The following GLG1 variants were observed in gnomAD, a reference collection of about 807,000 sequenced individuals.
GLG1 encodes Golgi apparatus protein 1.
Under a neutral mutation model 160.5 loss-of-function variants are expected in GLG1, and 38 were observed. The observed-to-expected ratio is 0.24, with a 90% CI of 0.18 to 0.31. The LOEUF (loss-of-function observed/expected upper bound fraction) is 0.31, where lower values mean the gene tolerates loss of function less well. GLG1 is among the 10% of genes least tolerant of loss of function. The probability of loss-of-function intolerance (pLI) is 1.00; values close to 1 mark genes in which losing one functional copy is unlikely to be tolerated. For missense variants in GLG1, 1,373 were observed against 1,505.2 expected (o/e 0.91, Z 1.45); for synonymous variants, 644 against 543.4 (o/e 1.19, Z -2.57).
intron 1 of GLG1, among the ~76,000 whole-genome samples, chr16:74,568,666 C>G (rs972438453): frequency 6.6e-6 from 1 of 152,112 alleles, no homozygotes; most frequent in African/African-American, 2.4e-5. Flanking sequence ...GATCCGCCCA[C>G]CTCGGCCTCC....
At chr16:74,503,505 G>T in intron 4 of GLG1, 26 bp downstream of exon 4, 1 of 1,459,008 alleles carries the variant, frequency 6.9e-7, no homozygotes, top group Non-Finnish European at 9.6e-7. Context: ...AGACCCCTTT[G>T]TTGAAGCTAA....
At chr16:74,490,207 G>C (rs900764759) in intron 8 of GLG1, among the ~76,000 whole-genome samples, 2 of 152,100 alleles carry the variant, frequency 1.3e-5, no homozygotes, top group Non-Finnish European at 2.9e-5. Context: ...GGAATGAAAG[G>C]GATGTACTAA....
intron 1 of GLG1, among the ~76,000 whole-genome samples, chr16:74,598,669 G>A (rs1399784379): frequency 6.6e-6 from 1 of 151,958 alleles, no homozygotes; most frequent in Non-Finnish European, 1.5e-5. Context: ...GAGGTGGGTG[G>A]ATTGCCTGAG....
intron 13 of GLG1, chr16:74,472,867 G>C (rs8059869): frequency 0.68 from 192,230 of 284,676 alleles, 65,241 homozygotes; most frequent in East Asian, 0.8. Context: ...TGCCTTTAAA[G>C]AGAGAAACCC....
In GLG1 at chr16:74,458,055, T is replaced by C. The variant is rs1483709469; in HGVS notation, c.3145-61A>G. ...AAGGGGAAATGCATCAGATCTGTTG[T>C]CTGTAAATACTTCATATACTAATAA... On this transcript the variant is annotated intron_variant, in intron 23 of 25. Transcript: ENST00000422840. 6 of 1,547,058 alleles carry C rather than the reference T, an allele frequency of 3.9e-6. No homozygotes were observed. The South Asian group carries it at 6.8e-5, about 18-fold the overall frequency.
intron 11 of GLG1, among the ~76,000 whole-genome samples, chr16:74,479,980 A>C (rs779656722): frequency 6.7e-6 from 1 of 150,318 alleles, no homozygotes; most frequent in Non-Finnish European, 1.5e-5. Context: ...TTTGTGATTC[A>C]GATTTTGGGA....
At chr16:74,462,467 G>A (rs1304073674) in intron 21 of GLG1, 21 bp downstream of exon 21, 4 of 1,605,650 alleles carry the variant, frequency 2.5e-6, no homozygotes, top group Admixed American at 1.7e-5. Flanking sequence ...ACACCTTTGT[G>A]GAGAGCCCAG....
At chr16:74,525,861 G>A (rs2017316669) in intron 2 of GLG1, among the ~76,000 whole-genome samples, 1 of 151,676 alleles carries the variant, frequency 6.6e-6, no homozygotes, top group Admixed American at 6.6e-5. Flanking sequence ...TTGTGATGAA[G>A]TTCAAGTTAT....
intron 1 of GLG1, among the ~76,000 whole-genome samples, chr16:74,590,946 T>C (rs779043269): frequency 7.5e-5 from 11 of 145,974 alleles, no homozygotes; most frequent in Non-Finnish European, 1.5e-4. Flanking sequence ...GCCTTTCTTG[T>C]TAAAAAAAAA....
chr16:74,465,230 A>G (rs2014957124), intron 19 of GLG1, among the ~76,000 whole-genome samples: 1 of 152,244 alleles, frequency 6.6e-6, no homozygotes, highest in Non-Finnish European at 1.5e-5. Flanking sequence ...CTGCTGGAGG[A>G]GGGAATGAAG....
rs2014120863 is a variant in GLG1 at position 74,447,664 on chromosome 16, A to G, written c.*5503T>C. On this transcript the variant is annotated 3_prime_UTR_variant, in exon 26 of 26. Transcript: ENST00000422840. ...AAAACAAAACAAAACAAAAAAAGTG[A>G]AAAGCCTAAGATCTCACACAGCATT... 1 of 152,230 alleles carries G rather than the reference A, an allele frequency of 6.6e-6. No homozygotes were observed. 9.4% of individuals were successfully genotyped at this position (152,230 alleles called of 1,614,324 possible).
chr16:74,578,590 T>G (rs1485426477), intron 1 of GLG1, among the ~76,000 whole-genome samples: 3 of 152,340 alleles, frequency 2.0e-5, no homozygotes, highest in East Asian at 3.9e-4. Flanking sequence ...TCCTTCATTA[T>G]CAACCTGATA....
At chr16:74,545,314 G>A (rs1391357159) in intron 1 of GLG1, among the ~76,000 whole-genome samples, 1 of 152,100 alleles carries the variant, frequency 6.6e-6, no homozygotes, top group East Asian at 1.9e-4. Context: ...CCTAGTAGTT[G>A]GGACTACAGG....
At chr16:74,494,900 T>C in intron 5 of GLG1, 69 bp from the exon 6 acceptor site, 1 of 792,972 alleles carries the variant, frequency 1.3e-6, no homozygotes, top group Non-Finnish European at 2.3e-6. Flanking sequence ...ATCCACAATC[T>C]CATATAGAGC....
At chr16:74,606,362 CA>C (rs983318879) in intron 1 of GLG1, among the ~76,000 whole-genome samples, 1 of 152,176 alleles carries the variant, frequency 6.6e-6, no homozygotes, top group Non-Finnish European at 1.5e-5. Flanking sequence ...GAGCATCACA[CA>C]AAAGACAGGA....
rs558109564 is a variant in GLG1, at chr16:74,587,850, G to A, written c.438+18807C>T. On this transcript the variant is annotated intron_variant, in intron 1 of 25. Coordinates refer to ENST00000422840, the MANE Select transcript of GLG1 (RefSeq NM_001145667.2). ...CAGCCTGGCGACACAGTGAGACTCC[G>A]CTTCAAAAAAGAAAAAAACAGCTAT... is the stretch of plus-strand genomic sequence containing the variant. 9.7e-4 allele frequency among the ~76,000 whole-genome samples: 147 copies of A among 152,128 alleles called. 1 individual carries two copies. The highest frequency in any genetic ancestry group is 3.2e-3 in the African/African-American group (134 of 41,498).
intron 1 of GLG1, among the ~76,000 whole-genome samples, chr16:74,604,938 AC>A (rs757134934): frequency 6.6e-6 from 1 of 152,130 alleles, no homozygotes; most frequent in Non-Finnish European, 1.5e-5. Flanking sequence ...AGTCCCAGGT[AC>A]TCAGGTGGCT....
rs2143109205 is a variant in GLG1 at position 74,453,037 on chromosome 16, G to A, written c.*130C>T. ...GGAGGCTGGATGGGACAACGCAGTG[G>A]ACATCTGCTAATGCTCTAACACGGG... On this transcript the variant is annotated 3_prime_UTR_variant, in exon 26 of 26. Transcript: ENST00000422840. The A allele has an allele frequency of 2.7e-6, 4 of 1,481,694 alleles. No homozygotes were observed. Among genetic ancestry groups the A allele is most frequent in the South Asian group, 3.0e-5 (2 of 67,670 alleles). 91.8% of individuals were successfully genotyped at this position (1,481,694 alleles called of 1,614,324 possible).
rs1484098583 is a variant in GLG1 at position 74,491,208 on chromosome 16, T to C, written c.1242A>G (p.Gln414=). 1 of 1,612,934 alleles carries C rather than the reference T, an allele frequency of 6.2e-7. No homozygotes were observed. The highest frequency in any genetic ancestry group is 8.5e-7 in the Non-Finnish European group (1 of 1,179,042). ...TCTCCCCCTGGCACTCACTGCTGAC[T>C]TGTCGCCCTAAGTTAGGATGTAAGT... The part of the protein sequence containing the change: ...CLESAVHRGR[Q]VSSECQGEML... The change falls in exon 8 of 26, where the codon CAA becomes CAG. Residue 414 remains glutamine, a synonymous_variant. Transcript: ENST00000422840.
Sources: gnomAD v4.1 joint callset for allele counts (sites outside exome capture counted in the v4.1 genomes callset) on GRCh38, gnomAD v4.1.1 for gene constraint, MANE v1.5 for transcripts, NCBI Gene and HGNC (gene_info 2026-07-23, HGNC 2026-07-21) for gene names.